CYRIB: variants seen among roughly 807,000 people sequenced by gnomAD.
The protein encoded by CYRIB is CYFIP-related Rac1 interactor B.
CYRIB carries 8 observed loss-of-function variants against 44.2 expected under a neutral mutation model. That is an observed-to-expected ratio of 0.18 (90% CI 0.11 to 0.33). CYRIB has a LOEUF of 0.33. Among genes scored for constraint, CYRIB ranks in the 10% least tolerant of loss-of-function variants. CYRIB has a pLI of 1.00. For missense variants in CYRIB, 185 were observed against 382.8 expected (o/e 0.48, Z 4.31); for synonymous variants, 131 against 127.2 (o/e 1.03, Z -0.20).
At chr8:129,856,700 T>A (rs1280749487) in intron 5 of CYRIB, among the ~76,000 whole-genome samples, 2 of 152,182 alleles carry the variant, frequency 1.3e-5, no homozygotes, top group Admixed American at 1.3e-4. Context: ...TACGTATGAG[T>A]CAACATCTAC....
In CYRIB at chr8:129,852,143, C is replaced by A; in HGVS notation, c.633+19G>T. 1 of 1,455,598 alleles carries A rather than the reference C, an allele frequency of 6.9e-7. No homozygotes were observed. The highest frequency in any genetic ancestry group is 9.3e-7 in the Non-Finnish European group (1 of 1,076,952). 90.2% of individuals were successfully genotyped at this position (1,455,598 alleles called of 1,614,324 possible). On this transcript the variant is annotated intron_variant, in intron 8 of 11. Coordinates refer to ENST00000519824, the Ensembl canonical transcript of CYRIB. ...GGGCATAAATAACAACACAGAGTAC[C>A]TGCCTAGGCAATGCTTACCTCTGAT...
chr8:129,988,337 A>G (rs1280075588), intron 1 of CYRIB, among the ~76,000 whole-genome samples: 1 of 152,102 alleles, frequency 6.6e-6, no homozygotes, highest in African/African-American at 2.4e-5. Flanking sequence ...TGGGCCTGAG[A>G]AGGGAGGAGT....
chr8:129,857,627 T>G (rs1418246047), intron 5 of CYRIB, among the ~76,000 whole-genome samples: 1 of 152,152 alleles, frequency 6.6e-6, no homozygotes, highest in Non-Finnish European at 1.5e-5. Flanking sequence ...AAATGCTACT[T>G]CATTTGCAGT....
At chr8:129,940,790 G>C (rs2093630541), upstream of CYRIB, among the ~76,000 whole-genome samples, 1 of 152,084 alleles carries the variant, frequency 6.6e-6, no homozygotes, top group African/African-American at 2.4e-5. Flanking sequence ...TGAACATTTT[G>C]CAGTCACAGG....
intron 1 of CYRIB, among the ~76,000 whole-genome samples, chr8:129,995,578 C>T (rs1232849788): frequency 3.3e-5 from 5 of 152,198 alleles, no homozygotes; most frequent in Non-Finnish European, 7.3e-5. Context: ...AGTTGCCATC[C>T]CTGACCACAA....
chr8:129,890,293 G>A (rs2064701587), intron 2 of CYRIB, among the ~76,000 whole-genome samples: 1 of 152,090 alleles, frequency 6.6e-6, no homozygotes, highest in African/African-American at 2.4e-5. Context: ...CTTCATTTTT[G>A]TCTTATTTTA....
At chr8:130,000,188 G>A (rs1334796420) in intron 1 of CYRIB, among the ~76,000 whole-genome samples, 1 of 152,148 alleles carries the variant, frequency 6.6e-6, no homozygotes, top group African/African-American at 2.4e-5. Flanking sequence ...AGGTGCTGAG[G>A]AGAAGAGAGC....
chr8:130,015,835 T>C (rs2097330061), intron 1 of CYRIB, among the ~76,000 whole-genome samples: 1 of 152,226 alleles, frequency 6.6e-6, no homozygotes, highest in South Asian at 2.1e-4. Context: ...GGCGGGTGGC[T>C]ACCCCAGGAG....
intron 2 of CYRIB, chr8:129,896,528 GCAATGAGAGTT>G (rs1411768296): frequency 3.3e-5 from 5 of 152,120 alleles, no homozygotes; most frequent in African/African-American, 9.7e-5. Flanking sequence ...ATGCATTATC[GCAATGAGAGTT>G]CAAATCCTTA....
intron 3 of CYRIB, among the ~76,000 whole-genome samples, chr8:129,873,343 C>G (rs1207794449): frequency 6.6e-6 from 1 of 151,920 alleles, no homozygotes; most frequent in Admixed American, 6.6e-5. Context: ...TCTTATAGAT[C>G]AAGCTTTGCT....
chr8:129,912,731 A>ATT, intron 1 of CYRIB, among the ~76,000 whole-genome samples: 1 of 149,592 alleles, frequency 6.7e-6, no homozygotes, highest in East Asian at 2.0e-4. Context: ...CTTGCAAGTC[A>ATT]TTTTTTTTTC....
At chr8:129,871,432 T>C (rs1418020597) in exon 4 of CYRIB, 1 of 1,611,514 alleles carries the variant, frequency 6.2e-7, no homozygotes, top group Non-Finnish European at 8.5e-7. Flanking sequence ...AGATGCCTTC[T>C]GCATCTTTTA....
intron 7 of CYRIB, among the ~76,000 whole-genome samples, chr8:129,853,155 T>C (rs1210752303): frequency 1.3e-5 from 2 of 152,210 alleles, no homozygotes; most frequent in Non-Finnish European, 2.9e-5. Context: ...GGATTTTACC[T>C]GTAATTATTG....
chr8:129,888,240 C>T (rs929365828), intron 2 of CYRIB, among the ~76,000 whole-genome samples: 17 of 152,168 alleles, frequency 1.1e-4, no homozygotes, highest in African/African-American at 4.1e-4. Flanking sequence ...CTTCCTCCTG[C>T]TCTGGCCATG....
At chr8:129,883,291 AC>A (rs557583706) in intron 2 of CYRIB, among the ~76,000 whole-genome samples, 23 of 151,652 alleles carry the variant, frequency 1.5e-4, no homozygotes, top group Non-Finnish European at 2.6e-4. Context: ...ACTAGCAGCT[AC>A]CCCCCATACA....
chr8:129,947,413 A>G (rs1186441836), intron 2 of CYRIB, among the ~76,000 whole-genome samples: 2 of 152,110 alleles, frequency 1.3e-5, no homozygotes, highest in Non-Finnish European at 2.9e-5. Flanking sequence ...AAAACCCCAA[A>G]GAAATAAACA....
intron 4 of CYRIB, 109 bp from the exon 7 acceptor site, chr8:129,862,443 A>G: frequency 1.2e-6 from 1 of 835,088 alleles, no homozygotes; most frequent in Non-Finnish European, 1.9e-6. Context: ...TATAATCCAT[A>G]AAATATAGAA....
At chr8:129,941,510 G>A (rs1414028590), upstream of CYRIB, among the ~76,000 whole-genome samples, 1 of 152,034 alleles carries the variant, frequency 6.6e-6, no homozygotes, top group Non-Finnish European at 1.5e-5. Flanking sequence ...CTGAGCTCAG[G>A]CAATCCACCT....
rs575080658 is a variant in CYRIB at position 129,899,759 on chromosome 8, A to T, written c.-11+3553T>A. Reference sequence around the variant, plus strand: ...GTTATATAATAGTTTTGAAATAAATATCCTTAGCTACAAAGATCAATAACA... The same window carrying T: ...GTTATATAATAGTTTTGAAATAAATTTCCTTAGCTACAAAGATCAATAACA... On this transcript the variant is annotated intron_variant, in intron 2 of 11. Transcript: ENST00000519824. Among the ~76,000 whole-genome samples the T allele has an allele frequency of 3.3e-5, 5 of 152,374 alleles. No homozygotes were observed. The East Asian group carries it at 9.6e-4, about 29-fold the overall frequency.
Sources: allele counts gnomAD v4.1 joint callset (sites outside exome capture counted in the v4.1 genomes callset), GRCh38; gene constraint gnomAD v4.1.1; transcripts MANE v1.5; gene names NCBI Gene and HGNC (gene_info 2026-07-23, HGNC 2026-07-21).